Variants in MAJIN observed in about 807,000 individuals in gnomAD.
The protein encoded by MAJIN is membrane anchored junction protein.
In MAJIN, 27 loss-of-function variants were observed where a neutral mutation model predicts 30.2. The observed-to-expected ratio is 0.89, with a 90% CI of 0.66 to 1.23. The LOEUF (loss-of-function observed/expected upper bound fraction) is 1.23, where lower values mean the gene tolerates loss of function less well. Ranked by LOEUF, MAJIN falls within the 50% of genes most tolerant of loss-of-function variation. MAJIN has a pLI of 0.00. For missense variants in MAJIN, 253 were observed against 260.3 expected (o/e 0.97, Z 0.19); for synonymous variants, 78 against 91.6 (o/e 0.85, Z 0.85).
chr11:64,948,019 C>A (rs1304275304), intron 6 of MAJIN, among the ~76,000 whole-genome samples, 200 bp from the exon 7 acceptor site: 1 of 151,412 alleles, frequency 6.6e-6, no homozygotes, highest in African/African-American at 2.4e-5. Context: ...GCCACCACAC[C>A]TGGCTAATTT....
At chr11:64,970,420 G>A (rs1945881737) in intron 1 of MAJIN, among the ~76,000 whole-genome samples, 1 of 134,732 alleles carries the variant, frequency 7.4e-6, no homozygotes, top group South Asian at 2.5e-4. Context: ...AGGCTGGAGT[G>A]CAATGGTGCG....
chr11:64,954,544 G>C, intron 4 of MAJIN: 2 of 674,502 alleles, frequency 3.0e-6, no homozygotes, highest in Non-Finnish European at 5.4e-6. Flanking sequence ...AGCCTCAAAG[G>C]TGCTGACATT....
intron 1 of MAJIN, among the ~76,000 whole-genome samples, chr11:64,969,466 A>G (rs920907233): frequency 1.1e-4 from 17 of 150,748 alleles, no homozygotes; most frequent in Non-Finnish European, 1.8e-4. Flanking sequence ...AAAAAAAAAA[A>G]ACGACATGAC....
chr11:64,957,095 T>A (rs1164202797), intron 3 of MAJIN, among the ~76,000 whole-genome samples: 1 of 149,774 alleles, frequency 6.7e-6, no homozygotes, highest in East Asian at 2.0e-4. Flanking sequence ...TTTTTGAAGT[T>A]GAGACAAGGT....
At chr11:64,964,597 A>AT (rs111965963) in intron 1 of MAJIN, among the ~76,000 whole-genome samples, 3,425 of 142,782 alleles carry the variant, frequency 0.024, 105 homozygotes, top group African/African-American at 0.071. Flanking sequence ...GCAAAATTTA[A>AT]TTTTTTTTTT....
chr11:64,970,785 G>C (rs1945888084), intron 1 of MAJIN, among the ~76,000 whole-genome samples: 1 of 152,176 alleles, frequency 6.6e-6, no homozygotes, highest in South Asian at 2.1e-4. Flanking sequence ...CAAGGCTCTG[G>C]GGAGTGGCAC....
At chr11:64,965,955 C>CA (rs1299713572) in intron 1 of MAJIN, among the ~76,000 whole-genome samples, 4,397 of 83,260 alleles carry the variant, frequency 0.053, 208 homozygotes, top group African/African-American at 0.14. Flanking sequence ...GACTCTGTCT[C>CA]AAAAAAAAAA....
chr11:64,947,486 C>T (rs750099771), intron 7 of MAJIN, 21 bp from the exon 8 acceptor site: 2 of 1,598,568 alleles, frequency 1.3e-6, no homozygotes, highest in Admixed American at 3.3e-5. Flanking sequence ...AAGCAGATGC[C>T]TGTGACTCCT....
At chr11:64,939,879 C>A in intron 9 of MAJIN, 112 bp from the exon 10 acceptor site, 2 of 853,006 alleles carry the variant, frequency 2.3e-6, no homozygotes, top group Non-Finnish European at 3.6e-6. Flanking sequence ...GCCAAGAGTT[C>A]TTTAAAGCCA....
intron 8 of MAJIN, among the ~76,000 whole-genome samples, chr11:64,945,637 G>A (rs939611822): frequency 4.6e-5 from 7 of 152,056 alleles, no homozygotes; most frequent in South Asian, 4.1e-4. Flanking sequence ...CTGGGTTCAA[G>A]TGATTCTCCT....
chr11:64,971,320 A>C (rs1945899300), intron 1 of MAJIN, among the ~76,000 whole-genome samples: 3 of 151,424 alleles, frequency 2.0e-5, no homozygotes, highest in Admixed American at 6.6e-5. Context: ...CCAGCTACTC[A>C]GGAGGCTGAG....
intron 8 of MAJIN, among the ~76,000 whole-genome samples, chr11:64,946,619 T>C (rs1565124481): frequency 1.3e-5 from 2 of 152,010 alleles, no homozygotes; most frequent in African/African-American, 4.8e-5. Flanking sequence ...ATTTCTCCTG[T>C]ATGTCTAGGG....
rs748733748 is a variant in MAJIN at position 64,945,319 on chromosome 11, C to G, written c.473+2055G>C. On this transcript the variant is annotated intron_variant, in intron 8 of 10. Transcript: ENST00000301896. The stretch of plus-strand genomic sequence containing the variant: ...CTTGCAGTGAGCCGAGATCGCACCA[C>G]TGCACTCCAGCCTGGGCGACAGAGC... Among the ~76,000 whole-genome samples the G allele has an allele frequency of 5.9e-5, 9 of 152,050 alleles. No homozygotes were observed. The South Asian group carries it at 8.3e-4, about 14-fold the overall frequency.
chr11:64,954,949 G>A (rs1945609236), intron 3 of MAJIN, 147 bp from the exon 4 acceptor site: 1 of 710,754 alleles, frequency 1.4e-6, no homozygotes, highest in Non-Finnish European at 2.3e-6. Context: ...TGCTCATGGG[G>A]AAGAAGTGAT....
chr11:64,950,103 G>A (rs1157540353), intron 5 of MAJIN, among the ~76,000 whole-genome samples: 1 of 152,170 alleles, frequency 6.6e-6, no homozygotes, highest in African/African-American at 2.4e-5. Context: ...GCCGAGGCGG[G>A]TGGATCACCT....
At chr11:64,948,602 CATATATATATATATAT>C (rs1554970962) in intron 6 of MAJIN, among the ~76,000 whole-genome samples, 7 of 19,418 alleles carry the variant, frequency 3.6e-4, no homozygotes, top group East Asian at 2.4e-3. Flanking sequence ...CGGGCTACAT[CATATATATATATATAT>C]ATATATATAT....
intron 4 of MAJIN, among the ~76,000 whole-genome samples, chr11:64,952,796 C>T (rs1945574315): frequency 6.6e-6 from 1 of 152,026 alleles, no homozygotes; most frequent in African/African-American, 2.4e-5. Context: ...CCTCCGCCTC[C>T]CAGGTTCAAG....
Position 64,958,107 on chromosome 11 carries a change from A to AT in MAJIN, c.101+1197dup, listed in dbSNP as rs201946173. On this transcript the variant is annotated intron_variant, in intron 3 of 10. Coordinates refer to ENST00000301896, the MANE Select transcript of MAJIN (RefSeq NM_001037225.3). ...CAGGTGCCTGCCACTATGCTCAGCT[A>AT]TTTTTTTTTATTTTTGGTAGAGACG... Among the ~76,000 whole-genome samples the AT allele has an allele frequency of 6.7e-5, 10 of 149,640 alleles. No homozygotes were observed. In the East Asian group the frequency reaches 1.2e-3, roughly 18 times the overall value.
chr11:64,965,745 A>G (rs557617594), intron 1 of MAJIN, among the ~76,000 whole-genome samples: 3 of 152,086 alleles, frequency 2.0e-5, no homozygotes, highest in Non-Finnish European at 4.4e-5. Flanking sequence ...TCACGAGGTC[A>G]GGAGATCGAT....
Sources: gnomAD v4.1 joint callset for allele counts (sites outside exome capture counted in the v4.1 genomes callset) on GRCh38, gnomAD v4.1.1 for gene constraint, MANE v1.5 for transcripts, NCBI Gene and HGNC (gene_info 2026-07-23, HGNC 2026-07-21) for gene names.